Variants in MYO1E observed in about 807,000 individuals in gnomAD.
MYO1E encodes myosin IE, also known as unconventional myosin-Ie.
In MYO1E, 68 loss-of-function variants were observed where a neutral mutation model predicts 151.1. That is an observed-to-expected ratio of 0.45 (90% CI 0.37 to 0.55). The LOEUF (loss-of-function observed/expected upper bound fraction) is 0.55. MYO1E is among the 20% of genes least tolerant of loss of function. The pLI, the probability that MYO1E is intolerant of heterozygous loss-of-function variation, is 0.00. For synonymous variants in MYO1E, 601 were observed against 501.7 expected (o/e 1.20, Z -2.64); for missense variants, 1,363 against 1,389.3 (o/e 0.98, Z 0.30).
intron 4 of MYO1E, among the ~76,000 whole-genome samples, chr15:59,243,093 A>G: frequency 9.7e-6 from 1 of 102,740 alleles, no homozygotes; most frequent in African/African-American, 3.7e-5. Context: ...ATTTAATTAG[A>G]CCCTGCTTTT....
At chr15:59,312,358 G>T (rs1186652761) in intron 1 of MYO1E, among the ~76,000 whole-genome samples, 1 of 152,194 alleles carries the variant, frequency 6.6e-6, no homozygotes, top group Non-Finnish European at 1.5e-5. Context: ...TTCCGTGGAG[G>T]AACAGGAACT....
rs567240634 is a variant in MYO1E, at chr15:59,367,205, G to A, written c.3+5293C>T. On this transcript the variant is annotated intron_variant, in intron 1 of 27. Transcript: ENST00000288235. ...CCCCACACTTGGCTCATGAGGAAAC[G>A]CAAGGTACTATATGTTCTTTCACTG... Among the ~76,000 whole-genome samples, 6 of 152,258 alleles carry A rather than the reference G, an allele frequency of 3.9e-5. No individual in the cohort carries two copies. In the South Asian group the frequency reaches 6.2e-4, roughly 16 times the overall value.
rs548584305 is a variant in MYO1E at position 59,151,777 on chromosome 15, G to A, written c.3080+1813C>T. Among the ~76,000 whole-genome samples the A allele has an allele frequency of 1.2e-4, 18 of 152,070 alleles. No homozygotes were observed. The South Asian group carries it at 1.9e-3, about 16-fold the overall frequency. On this transcript the variant is annotated intron_variant, in intron 26 of 27. Coordinates refer to ENST00000288235, the MANE Select transcript of MYO1E (RefSeq NM_004998.4). Reference sequence around the variant, plus strand: ...AAAGTAAAAAAATTAGGCTGGGTGCGGTGGCTCACATCTTAATTCCAGCAC... The same window carrying A: ...AAAGTAAAAAAATTAGGCTGGGTGCAGTGGCTCACATCTTAATTCCAGCAC...
intron 1 of MYO1E, among the ~76,000 whole-genome samples, chr15:59,317,475 A>G (rs2080596398): frequency 6.6e-6 from 1 of 152,218 alleles, no homozygotes; most frequent in African/African-American, 2.4e-5. Context: ...TGATTTGGGA[A>G]GACAGCAGCA....
intron 7 of MYO1E, among the ~76,000 whole-genome samples, chr15:59,226,697 C>A (rs1566985231): frequency 6.6e-6 from 1 of 152,124 alleles, no homozygotes; most frequent in Admixed American, 6.5e-5. Context: ...GTCCCAGCTA[C>A]TTGGGAGGGT....
chr15:59,164,634 T>C (rs1451176572), intron 22 of MYO1E, among the ~76,000 whole-genome samples: 1 of 152,174 alleles, frequency 6.6e-6, no homozygotes, highest in Non-Finnish European at 1.5e-5. Context: ...ATCTGATCCA[T>C]TTAGAAGGAA....
chr15:59,316,860 T>C (rs1214399323), intron 1 of MYO1E, among the ~76,000 whole-genome samples: 1 of 152,228 alleles, frequency 6.6e-6, no homozygotes, highest in Non-Finnish European at 1.5e-5. Flanking sequence ...GAAATAAATC[T>C]GGAATCCACC....
chr15:59,216,373 G>T (rs1317916085), intron 10 of MYO1E, among the ~76,000 whole-genome samples: 3 of 151,644 alleles, frequency 2.0e-5, no homozygotes, highest in Non-Finnish European at 4.4e-5. Flanking sequence ...TTAAGTGAGG[G>T]TTTTTTCTCT....
chr15:59,286,775 G>A (rs1157394257), intron 1 of MYO1E, among the ~76,000 whole-genome samples: 1 of 152,186 alleles, frequency 6.6e-6, no homozygotes, highest in Admixed American at 6.5e-5. Flanking sequence ...TGCCTGATCT[G>A]CTCTGATCTA....
In MYO1E at chr15:59,161,080, C is replaced by A; in HGVS notation, c.2778G>T (p.Lys926Asn). 3 of 1,613,424 alleles carry A rather than the reference C, an allele frequency of 1.9e-6. No individual in the cohort carries two copies. Among genetic ancestry groups the A allele is most frequent in the Non-Finnish European group, 2.5e-6 (3 of 1,180,024 alleles). ...GGCCCGTGGAGCACTTACGGGAGTT[C>A]TTGGGCAGTCCAGGTCCGATGCTGA... ...LQVSIGPGLP[K>N]NSRPTRRNTT... The change falls in exon 24 of 28, where the codon AAG becomes AAT. Residue 926 changes from lysine to asparagine, a missense_variant. Lys to Asn is a moderately conservative substitution (Grantham distance 94). Transcript: ENST00000288235.
Position 59,214,716 on chromosome 15 carries a change from A to G in MYO1E, c.1112T>C (p.Ile371Thr). Residue 371 changes from isoleucine to threonine, a missense_variant, in exon 11 of 28, where the codon ATC becomes ACC. Coordinates refer to ENST00000288235, the MANE Select transcript of MYO1E (RefSeq NM_004998.4). The stretch of plus-strand genomic sequence containing the variant: ...ATGGTCTTTCTCCATGGCTTTATTG[A>G]TGGACTAGAGAAAGTAAACAGCATG... ...ARVFDFLVDSINKAMEKDHEE... is the reference protein window; with the variant it reads ...ARVFDFLVDSTNKAMEKDHEE... The G allele has an allele frequency of 6.2e-7, 1 of 1,612,234 alleles. No homozygotes were observed.
intron 22 of MYO1E, among the ~76,000 whole-genome samples, chr15:59,169,096 T>A (rs892788201): frequency 6.6e-6 from 1 of 152,124 alleles, no homozygotes; most frequent in Non-Finnish European, 1.5e-5. Flanking sequence ...GTTGGTTGGT[T>A]TGAATAGGGA....
At chr15:59,166,672 G>A (rs912554594) in intron 22 of MYO1E, among the ~76,000 whole-genome samples, 4 of 151,978 alleles carry the variant, frequency 2.6e-5, no homozygotes, top group South Asian at 2.1e-4. Flanking sequence ...TGGAAGATAC[G>A]GAGGCGAATC....
chr15:59,194,696 A>G (rs1039959442), intron 17 of MYO1E, among the ~76,000 whole-genome samples: 2 of 152,090 alleles, frequency 1.3e-5, no homozygotes, highest in Non-Finnish European at 2.9e-5. Context: ...CCATGCTTCT[A>G]TGGACAGTGG....
At chr15:59,304,418 T>G (rs2080502696) in intron 1 of MYO1E, among the ~76,000 whole-genome samples, 1 of 152,208 alleles carries the variant, frequency 6.6e-6, no homozygotes, top group African/African-American at 2.4e-5. Context: ...ACTGAGATGA[T>G]GGTAACCTTG....
intron 1 of MYO1E, among the ~76,000 whole-genome samples, chr15:59,309,068 C>T (rs2080533777): frequency 6.7e-6 from 1 of 149,648 alleles, no homozygotes; most frequent in African/African-American, 2.5e-5. Flanking sequence ...AAGCCATGAT[C>T]ACACCACTGC....
intron 2 of MYO1E, among the ~76,000 whole-genome samples, chr15:59,265,611 A>G (rs1329923705): frequency 6.6e-6 from 1 of 152,136 alleles, no homozygotes; most frequent in Non-Finnish European, 1.5e-5. Context: ...CCCTAAATTT[A>G]TCAGTAGGGT....
chr15:59,283,497 CT>C (rs1279111347), intron 1 of MYO1E, among the ~76,000 whole-genome samples: 3 of 152,128 alleles, frequency 2.0e-5, no homozygotes, highest in Non-Finnish European at 4.4e-5. Context: ...AAACTGACCC[CT>C]AGGACCAAGT....
rs1483421130 is a variant in MYO1E at position 59,195,544 on chromosome 15, G to C, written c.1722C>G (p.Ser574Arg). Reference sequence around the variant, plus strand: ...AGTGGGGCGTACATTTCATCAGGGTGCTCACAAGGTCATTGGCTTGTTTCT... The same window carrying C: ...AGTGGGGCGTACATTTCATCAGGGTCCTCACAAGGTCATTGGCTTGTTTCT... ...KIKKQANDLV[S>R]TLMKCTPHYI... Residue 574 changes from serine (S) to arginine (R), a missense_variant, in exon 17 of 28, where the codon AGC (serine) becomes AGG (arginine). Ser to Arg is a moderately radical substitution (Grantham distance 110). Transcript: ENST00000288235. The C allele has an allele frequency of 3.1e-6, 5 of 1,613,904 alleles. No individual in the cohort carries two copies. The highest frequency in any genetic ancestry group is 3.3e-5 in the Admixed American group (2 of 60,002).
Sources: allele counts gnomAD v4.1 joint callset (sites outside exome capture counted in the v4.1 genomes callset), GRCh38; gene constraint gnomAD v4.1.1; transcripts MANE v1.5; gene names NCBI Gene and HGNC (gene_info 2026-07-23, HGNC 2026-07-21).